TMEM132C: variants seen among roughly 807,000 people sequenced by gnomAD.
TMEM132C encodes the protein transmembrane protein 132C, also known as protein phosphatase 1, regulatory subunit 152.
Under a neutral mutation model 61.4 loss-of-function variants are expected in TMEM132C, and 29 were observed. The observed-to-expected ratio is 0.47, with a 90% confidence interval of 0.35 to 0.64. The LOEUF (loss-of-function observed/expected upper bound fraction) is 0.64, where lower values mean the gene tolerates loss of function less well. TMEM132C is among the 30% of genes least tolerant of loss of function. TMEM132C has a pLI of 0.00. For synonymous variants in TMEM132C, 656 were observed against 633.1 expected (o/e 1.04, Z -0.54); for missense variants, 1,408 against 1,476.9 (o/e 0.95, Z 0.76).
At position 128,368,266 on chromosome 12, in the gene TMEM132C, G is replaced by A. The variant is rs12231537; in HGVS notation, c.86-46466G>A. Among the ~76,000 whole-genome samples the A allele has an allele frequency of 5.2e-4, 79 of 152,312 alleles. 1 individual carries two copies. In the East Asian group the frequency reaches 9.7e-3, roughly 19 times the overall value. On this transcript the variant is annotated intron_variant, in intron 1 of 8. Transcript: ENST00000435159. ...GTCCCCGCTGCTCTGCTTTACAGCC[G>A]GAAGCAACGTCCATTTGGTTTGAGT...
chr12:128,269,769 A>G (rs996739287), intron 1 of TMEM132C, among the ~76,000 whole-genome samples: 27 of 151,754 alleles, frequency 1.8e-4, no homozygotes, highest in African/African-American at 6.5e-4. Context: ...GCACCGTAAG[A>G]TATCTTCTAG....
intron 1 of TMEM132C, among the ~76,000 whole-genome samples, chr12:128,371,880 CTT>C (rs1874038433): frequency 1.3e-5 from 2 of 152,188 alleles, no homozygotes. Flanking sequence ...CACCCAGCCT[CTT>C]TTTGTCATGT....
intron 3 of TMEM132C, among the ~76,000 whole-genome samples, chr12:128,595,722 A>G (rs1875920110): frequency 6.6e-6 from 1 of 152,164 alleles, no homozygotes; most frequent in South Asian, 2.1e-4. Flanking sequence ...GCACTGACAA[A>G]TGCAGCCCTT....
At position 128,623,895 on chromosome 12, in the gene TMEM132C, C is replaced by T. The variant is rs147314588; in HGVS notation, c.1305+7560C>T. 1.1e-4 allele frequency among the ~76,000 whole-genome samples: 16 copies of T among 152,024 alleles called. 1 individual carries two copies. Among genetic ancestry groups the T allele is most frequent in the Non-Finnish European group, 1.9e-4 (13 of 67,972 alleles). On this transcript the variant is annotated intron_variant, in intron 4 of 8. Transcript: ENST00000435159. ...TACATAAGCAATAAGAAGAAGAAGA[C>T]GAAAGTGAAAAGAGTGGTGCTAGAA...
intron 1 of TMEM132C, among the ~76,000 whole-genome samples, chr12:128,382,824 T>C (rs1223787730): frequency 6.6e-6 from 1 of 152,230 alleles, no homozygotes; most frequent in African/African-American, 2.4e-5. Context: ...TTCTGAGTGT[T>C]ATGTGGTATG....
chr12:128,510,498 C>T (rs1247162354), intron 2 of TMEM132C, among the ~76,000 whole-genome samples: 1 of 152,222 alleles, frequency 6.6e-6, no homozygotes, highest in African/African-American at 2.4e-5. Flanking sequence ...CAAGCCCGCA[C>T]CTAGAACGGC....
At chr12:128,665,602 C>T (rs1326083678) in intron 4 of TMEM132C, among the ~76,000 whole-genome samples, 1 of 146,464 alleles carries the variant, frequency 6.8e-6, no homozygotes, top group Non-Finnish European at 1.5e-5. Context: ...CACAGGCACT[C>T]ACACATACCC....
chr12:128,417,858 A>G (rs77575329), intron 2 of TMEM132C, among the ~76,000 whole-genome samples: 1,932 of 152,306 alleles, frequency 0.013, 50 homozygotes, highest in African/African-American at 0.043. Flanking sequence ...TCAAAATTCT[A>G]TTATTCCCAT....
At chr12:128,368,097 A>G (rs1362561239) in intron 1 of TMEM132C, among the ~76,000 whole-genome samples, 1 of 152,202 alleles carries the variant, frequency 6.6e-6, no homozygotes, top group Non-Finnish European at 1.5e-5. Context: ...AGAAGGAGAC[A>G]ATACCCCATC....
At chr12:128,403,295 G>T (rs935467737) in intron 1 of TMEM132C, among the ~76,000 whole-genome samples, 1 of 152,184 alleles carries the variant, frequency 6.6e-6, no homozygotes, top group South Asian at 2.1e-4. Flanking sequence ...GGAAAATCCA[G>T]TCAGGGCTCT....
chr12:128,331,482 T>G (rs1408652843), intron 1 of TMEM132C, among the ~76,000 whole-genome samples: 1 of 135,262 alleles, frequency 7.4e-6, no homozygotes, highest in Non-Finnish European at 1.6e-5. Context: ...ATGTACACAT[T>G]TTTTTGGCAC....
chr12:128,491,288 C>T (rs1871710035), intron 2 of TMEM132C, among the ~76,000 whole-genome samples: 1 of 152,170 alleles, frequency 6.6e-6, no homozygotes, highest in Admixed American at 6.5e-5. Flanking sequence ...TCTTGAAATA[C>T]AATAGCGTTG....
At chr12:128,336,091 A>G (rs537686747) in intron 1 of TMEM132C, among the ~76,000 whole-genome samples, 22 of 152,342 alleles carry the variant, frequency 1.4e-4, no homozygotes, top group Non-Finnish European at 2.2e-4. Flanking sequence ...AATAAATACA[A>G]CAGGCTTTAT....
At chr12:128,546,934 A>C (rs766889318) in intron 3 of TMEM132C, among the ~76,000 whole-genome samples, 1 of 152,212 alleles carries the variant, frequency 6.6e-6, no homozygotes, top group African/African-American at 2.4e-5. Flanking sequence ...GGCCTCTGTC[A>C]TGTCCATTCA....
At chr12:128,319,492 G>A (rs146418180) in intron 1 of TMEM132C, among the ~76,000 whole-genome samples, 117 of 152,138 alleles carry the variant, frequency 7.7e-4, no homozygotes, top group African/African-American at 2.6e-3. Flanking sequence ...GTTACCATGA[G>A]AAGCAATTGG....
chr12:128,420,974 C>T (rs909751986), intron 2 of TMEM132C, among the ~76,000 whole-genome samples: 4 of 152,164 alleles, frequency 2.6e-5, no homozygotes, highest in Non-Finnish European at 4.4e-5. Context: ...GCATGAGTCT[C>T]GCTGAAGTTT....
intron 2 of TMEM132C, among the ~76,000 whole-genome samples, chr12:128,455,009 T>C (rs1870296467): frequency 6.6e-6 from 1 of 152,216 alleles, no homozygotes; most frequent in Non-Finnish European, 1.5e-5. Context: ...ATGCTGATTT[T>C]CTTCCTCCTC....
intron 2 of TMEM132C, among the ~76,000 whole-genome samples, chr12:128,527,768 A>C (rs186657733): frequency 6.6e-6 from 1 of 152,058 alleles, no homozygotes; most frequent in East Asian, 1.9e-4. Context: ...CATAGTGGAA[A>C]AAAGCATGGC....
chr12:128,650,282 A>G (rs1222955246), intron 4 of TMEM132C, among the ~76,000 whole-genome samples: 2 of 152,166 alleles, frequency 1.3e-5, no homozygotes, highest in Non-Finnish European at 2.9e-5. Flanking sequence ...TTTGACAAGG[A>G]TGACTGTCCT....
Sources: gnomAD v4.1 joint callset for allele counts (sites outside exome capture counted in the v4.1 genomes callset) on GRCh38, gnomAD v4.1.1 for gene constraint, MANE v1.5 for transcripts, NCBI Gene and HGNC (gene_info 2026-07-23, HGNC 2026-07-21) for gene names.